PHACTR2: variants seen among roughly 807,000 people sequenced by gnomAD.
PHACTR2 encodes the protein phosphatase and actin regulator 2.
Under a neutral mutation model 76.0 loss-of-function variants are expected in PHACTR2, and 30 were observed. The observed-to-expected ratio is 0.39, with a 90% confidence interval of 0.30 to 0.54. The LOEUF is 0.54. Ranked by LOEUF, PHACTR2 falls within the 20% of genes least tolerant of loss-of-function variation. PHACTR2 has a pLI of 0.61. For synonymous variants in PHACTR2, 292 were observed against 292.5 expected, an observed-to-expected ratio of 1.00 and a Z score of 0.02; for missense variants, 696 against 781.1, an observed-to-expected ratio of 0.89 and a Z score of 1.30.
rs1202856497 is a variant in PHACTR2 at position 143,659,417 on chromosome 6, TGTC to T, written c.13+51099_13+51101del. 6.6e-6 allele frequency among the ~76,000 whole-genome samples: 1 copy of T among 152,180 alleles called. No homozygotes were observed. Among genetic ancestry groups the T allele is most frequent in the Non-Finnish European group, 1.5e-5 (1 of 68,024 alleles). ...GCTGCAGTCAAGGTGTCAGTAGGGATGTCGTCTCATCCAAGGCTTGACTGAGGA... is the reference window on the plus strand; with the variant it reads ...GCTGCAGTCAAGGTGTCAGTAGGGATGTCTCATCCAAGGCTTGACTGAGGA... On this transcript the variant is annotated intron_variant, in intron 1 of 11. Coordinates refer to the PHACTR2 transcript ENST00000305766. The surrounding 1 kb of genome is among the most constrained non-coding windows in gnomAD (Gnocchi z 5.0).
At position 143,755,027 on chromosome 6, in the gene PHACTR2, A is replaced by G. The variant is rs1266816742; in HGVS notation, c.454+1115A>G. Among the ~76,000 whole-genome samples, 2 of 152,308 alleles carry G rather than the reference A, an allele frequency of 1.3e-5. No homozygotes were observed. The highest frequency in any genetic ancestry group is 3.9e-4 in the East Asian group (2 of 5,192). On this transcript the variant is annotated intron_variant, in intron 4 of 12. Coordinates refer to ENST00000440869, the MANE Select transcript of PHACTR2 (RefSeq NM_001100164.2). The surrounding 1 kb of genome is among the most constrained non-coding windows in gnomAD (Gnocchi z 5.2). ...GTTCATAACCGTTCATTATTTGCAT[A>G]TATATTAGCCTTTAAAAGTTTTAGA...
Position 143,658,971 on chromosome 6 carries a change from C to T in PHACTR2, c.13+50649C>T, listed in dbSNP as rs1405869765. ...CCCAGGAGGTGGAGGCTGAAGTGAG[C>T]TGAGATCATGCCACTGCACTCCAGC... On this transcript the variant is annotated intron_variant, in intron 1 of 11. Transcript: ENST00000305766. The surrounding 1 kb of genome is among the most constrained non-coding windows in gnomAD (Gnocchi z 4.1). Among the ~76,000 whole-genome samples the T allele has an allele frequency of 1.3e-5, 2 of 151,136 alleles. No individual in the cohort carries two copies. The highest frequency in any genetic ancestry group is 2.9e-5 in the Non-Finnish European group (2 of 67,934).
At chr6:143,740,087 G>A (rs72556977) in intron 2 of PHACTR2, among the ~76,000 whole-genome samples, 39,595 of 152,062 alleles carry the variant, frequency 0.26, 5,953 homozygotes, top group East Asian at 0.34. Context: ...GCTGGTTGCC[G>A]TTTTTATGGT....
chr6:143,634,128 A>G (rs544711318), intron 1 of PHACTR2, among the ~76,000 whole-genome samples: 21 of 152,332 alleles, frequency 1.4e-4, no homozygotes, highest in African/African-American at 4.8e-4. Flanking sequence ...TCTGAGTCCC[A>G]TGTTGGCCTT....
chr6:143,704,473 C>T (rs1777997804), intron 1 of PHACTR2, among the ~76,000 whole-genome samples: 5 of 151,984 alleles, frequency 3.3e-5, no homozygotes, highest in African/African-American at 9.7e-5. Flanking sequence ...TTCCTCACTC[C>T]TAAGAAAAAA....
upstream of PHACTR2, among the ~76,000 whole-genome samples, chr6:143,676,232 G>A (rs778700658): frequency 6.6e-6 from 1 of 152,174 alleles, no homozygotes; most frequent in Non-Finnish European, 1.5e-5. This position sits in a 1 kb window ranked among gnomAD's most constrained non-coding sequence, Gnocchi z 4.8. Context: ...ATCATGAAAG[G>A]TCTTGAATAA....
chr6:143,549,022 G>A lies in PHACTR2; in HGVS notation c.217+11815G>A, dbSNP rs1775048437. Reference sequence around the variant, plus strand: ...TGAGGAGTATAAAGAGTACAGGGAAGAAGGCTTGGCCATGAAGACAGGCAT... The same window carrying A: ...TGAGGAGTATAAAGAGTACAGGGAAAAAGGCTTGGCCATGAAGACAGGCAT... On this transcript the variant is annotated intron_variant, in intron 1 of 11. Coordinates refer to the PHACTR2 transcript ENST00000367584. The surrounding 1 kb of genome is among the most constrained non-coding windows in gnomAD (Gnocchi z 4.2). 6.6e-6 allele frequency among the ~76,000 whole-genome samples: 1 copy of A among 151,898 alleles called. No individual in the cohort carries two copies. Among genetic ancestry groups the A allele is most frequent in the African/African-American group, 2.4e-5 (1 of 41,392 alleles).
chr6:143,748,125 G>A (rs922264561), intron 2 of PHACTR2, among the ~76,000 whole-genome samples: 3 of 152,084 alleles, frequency 2.0e-5, no homozygotes, highest in African/African-American at 7.2e-5. Flanking sequence ...GAGTGCAATG[G>A]CACGATCTTG....
At position 143,679,731 on chromosome 6, in the gene PHACTR2, A is replaced by C. The variant is rs530271950; in HGVS notation, c.46+1522A>C. Among the ~76,000 whole-genome samples the C allele has an allele frequency of 6.6e-6, 1 of 152,144 alleles. No homozygotes were observed. Among genetic ancestry groups the C allele is most frequent in the East Asian group, 1.9e-4 (1 of 5,178 alleles). On this transcript the variant is annotated intron_variant, in intron 1 of 12. Coordinates refer to ENST00000440869, the MANE Select transcript of PHACTR2 (RefSeq NM_001100164.2). The surrounding 1 kb of genome is among the most constrained non-coding windows in gnomAD (Gnocchi z 4.6). Reference sequence around the variant, plus strand: ...ATAAATGATGTCTAAGAAGCAAATAAAATCCTAAAGTGAGACTCCCTACGT... The same window carrying C: ...ATAAATGATGTCTAAGAAGCAAATACAATCCTAAAGTGAGACTCCCTACGT...
In PHACTR2 at chr6:143,610,653, T is replaced by C. The variant is rs1775960933; in HGVS notation, c.13+2331T>C. Among the ~76,000 whole-genome samples, 1 of 152,210 alleles carries C rather than the reference T, an allele frequency of 6.6e-6. No individual in the cohort carries two copies. The highest frequency in any genetic ancestry group is 2.1e-4 in the South Asian group (1 of 4,826). On this transcript the variant is annotated intron_variant, in intron 1 of 11. Transcript: ENST00000305766. The surrounding 1 kb of genome is among the most constrained non-coding windows in gnomAD (Gnocchi z 4.9). ...TAACAAGTAAAGTAAGATGAGCTGCTTGGGACTCCGGCCCTTTTGGTGGGT... is the reference window on the plus strand; with the variant it reads ...TAACAAGTAAAGTAAGATGAGCTGCCTGGGACTCCGGCCCTTTTGGTGGGT...
Position 143,623,728 on chromosome 6 carries a change from C to T in PHACTR2, c.13+15406C>T, listed in dbSNP as rs1776202050. Among the ~76,000 whole-genome samples, 1 of 151,824 alleles carries T rather than the reference C, an allele frequency of 6.6e-6. No individual in the cohort carries two copies. Among genetic ancestry groups the T allele is most frequent in the Non-Finnish European group, 1.5e-5 (1 of 67,964 alleles). On this transcript the variant is annotated intron_variant, in intron 1 of 11. Transcript: ENST00000305766. The surrounding 1 kb of genome is among the most constrained non-coding windows in gnomAD (Gnocchi z 5.9). ...TGTGTGCATAGAGCAATGCTCAATC[C>T]CTGAAGAATAACAGAAAGAATAAAA...
intron 2 of PHACTR2, among the ~76,000 whole-genome samples, chr6:143,714,726 T>C (rs1210912514): frequency 6.6e-6 from 1 of 152,196 alleles, no homozygotes; most frequent in Non-Finnish European, 1.5e-5. Context: ...GATACCCCCC[T>C]TCATTTCTTT....
chr6:143,751,396 T>A lies in PHACTR2; in HGVS notation c.295+2331T>A, dbSNP rs1779178541. 6.6e-6 allele frequency among the ~76,000 whole-genome samples: 1 copy of A among 152,196 alleles called. No homozygotes were observed. The highest frequency in any genetic ancestry group is 6.5e-5 in the Admixed American group (1 of 15,278). Reference sequence around the variant, plus strand: ...CAAGTTTGCTGCTTACCTCTGCTTTTTTCCCTCCATCTTTTCCCTTAGCTT... The same window carrying A: ...CAAGTTTGCTGCTTACCTCTGCTTTATTCCCTCCATCTTTTCCCTTAGCTT... On this transcript the variant is annotated intron_variant, in intron 3 of 12. Transcript: ENST00000440869. The surrounding 1 kb of genome is among the most constrained non-coding windows in gnomAD (Gnocchi z 5.7).
rs544991276 is a variant in PHACTR2 at position 143,823,401 on chromosome 6, C to T, written c.1923-273C>T. On this transcript the variant is annotated intron_variant, in intron 12 of 12. Coordinates refer to ENST00000440869, the MANE Select transcript of PHACTR2 (RefSeq NM_001100164.2). This position sits in a 1 kb window ranked among gnomAD's most constrained non-coding sequence, Gnocchi z 5.7. The stretch of plus-strand genomic sequence containing the variant: ...ATAGTGATGTTTTCTGTCTTGGTTG[C>T]TGTGTAACTTGAATACTATAACCAG... Among the ~76,000 whole-genome samples the T allele has an allele frequency of 6.6e-6, 1 of 152,298 alleles. No homozygotes were observed. Among genetic ancestry groups the T allele is most frequent in the East Asian group, 1.9e-4 (1 of 5,182 alleles).
At position 143,824,233 on chromosome 6, in the gene PHACTR2, C is replaced by T. The variant is rs1462493826; in HGVS notation, c.*544C>T. 6.4e-6 allele frequency: 1 copy of T among 156,562 alleles called. No individual in the cohort carries two copies. Among genetic ancestry groups the T allele is most frequent in the Non-Finnish European group, 1.4e-5 (1 of 70,442 alleles). 9.7% of individuals were successfully genotyped at this position (156,562 alleles called of 1,614,324 possible). ...CCTCCTGATGTGGATTCCTCAAAGA[C>T]TTGATCGGAGAATACTCTTGTTTCA... On this transcript the variant is annotated 3_prime_UTR_variant, in exon 13 of 13. Transcript: ENST00000440869. The surrounding 1 kb of genome is among the most constrained non-coding windows in gnomAD (Gnocchi z 6.3).
At chr6:143,628,953 A>G in intron 1 of PHACTR2, among the ~76,000 whole-genome samples, 2 of 56,374 alleles carry the variant, frequency 3.5e-5, no homozygotes, top group South Asian at 8.7e-4. Context: ...ATATATATAT[A>G]TATATATATA....
chr6:143,816,845 C>T lies in PHACTR2; in HGVS notation c.1923-6829C>T, dbSNP rs1358017181. Among the ~76,000 whole-genome samples, 2 of 152,104 alleles carry T rather than the reference C, an allele frequency of 1.3e-5. No individual in the cohort carries two copies. Among genetic ancestry groups the T allele is most frequent in the South Asian group, 2.1e-4 (1 of 4,826 alleles). ...CTTTGGGAGGCTGAGGCGGGAGGAT[C>T]GCTTGAGGCCAGGAGTTCAAGACCA... On this transcript the variant is annotated intron_variant, in intron 12 of 12. Transcript: ENST00000440869. This position sits in a 1 kb window ranked among gnomAD's most constrained non-coding sequence, Gnocchi z 4.5.
chr6:143,554,878 C>T lies in PHACTR2; in HGVS notation c.217+17671C>T, dbSNP rs553068704. On this transcript the variant is annotated intron_variant, in intron 1 of 11. Transcript: ENST00000367584. This position sits in a 1 kb window ranked among gnomAD's most constrained non-coding sequence, Gnocchi z 5.9. Reference sequence around the variant, plus strand: ...TGGTCTTCCCAGTACATATCCTTTGCCCTTTGTTCCTGTTGCATTATTTTC... The same window carrying T: ...TGGTCTTCCCAGTACATATCCTTTGTCCTTTGTTCCTGTTGCATTATTTTC... 3 of 151,908 alleles carry T rather than the reference C, an allele frequency of 2.0e-5. No individual in the cohort carries two copies. Among genetic ancestry groups the T allele is most frequent in the African/African-American group, 7.3e-5 (3 of 41,334 alleles). 9.4% of individuals were successfully genotyped at this position (151,908 alleles called of 1,614,324 possible).
At position 143,829,070 on chromosome 6, in the gene PHACTR2, G is replaced by T. The variant is rs1246674801; in HGVS notation, c.*5381G>T. The T allele has an allele frequency of 6.6e-6, 1 of 152,124 alleles. No homozygotes were observed. The highest frequency in any genetic ancestry group is 1.5e-5 in the Non-Finnish European group (1 of 68,034). The allele number at this position is 152,124 out of a possible 1,614,324, so 9.4% of individuals were successfully genotyped here. On this transcript the variant is annotated 3_prime_UTR_variant, in exon 13 of 13. Transcript: ENST00000440869. Reference sequence around the variant, plus strand: ...TCTCTCAGTGCAGCTGTTCTTCAGGGAGGAGGTTACTGGGCAGCCTTGGCC... The same window carrying T: ...TCTCTCAGTGCAGCTGTTCTTCAGGTAGGAGGTTACTGGGCAGCCTTGGCC...
Sources: gnomAD v4.1 joint callset for allele counts (sites outside exome capture counted in the v4.1 genomes callset) on GRCh38, gnomAD v4.1.1 for gene constraint, Gnocchi (gnomAD v3.1) non-coding constraint, MANE v1.5 for transcripts, NCBI Gene and HGNC (gene_info 2026-07-23, HGNC 2026-07-21) for gene names.